FMR1: variants seen among roughly 807,000 people sequenced by gnomAD.
The protein encoded by FMR1 is fragile X messenger ribonucleoprotein 1.
A neutral mutation model predicts 50.6 loss-of-function variants in FMR1; 13 were observed. The observed-to-expected ratio is 0.26, with a 90% CI of 0.17 to 0.41. The LOEUF (loss-of-function observed/expected upper bound fraction) is 0.41. Among genes scored for constraint, FMR1 ranks in the 10% least tolerant of loss-of-function variants. FMR1 has a pLI of 1.00. For missense variants in FMR1, 316 were observed against 491.3 expected (o/e 0.64, Z 3.37); for synonymous variants, 138 against 164.1 (o/e 0.84, Z 1.22).
At chrX:147,945,736 AT>A in intron 16 of FMR1, 120 bp downstream of exon 16, 2 of 553,415 alleles carry the variant, frequency 3.6e-6, no homozygotes, top group Non-Finnish European at 6.2e-6. Context: ...TATGTGAAAT[AT>A]TTTACCTTCA....
At chrX:147,938,311 C>CG (rs1252719969) in intron 12 of FMR1, 150 bp downstream of exon 12, 1 of 505,086 alleles carries the variant, frequency 2.0e-6, no homozygotes, top group African/African-American at 2.3e-5. Flanking sequence ...GGAGTTAAAG[C>CG]TTAAACACCT....
intron 1 of FMR1, chrX:147,914,495 C>A (rs1269431118): frequency 8.9e-6 from 1 of 111,914 alleles, no homozygotes; most frequent in African/African-American, 3.2e-5. Flanking sequence ...GAAATAGGAA[C>A]CTTGTTCATC....
In FMR1 at chrX:147,950,505, A is replaced by AAC. The variant is rs1414479045; in HGVS notation, c.*1662_*1663dup. On this transcript the variant is annotated 3_prime_UTR_variant, in exon 17 of 17. Transcript: ENST00000370475. ...CCAAGGTAGAATGACCTTGTAATGT[A>AAC]ACTGCTCTTGGGCAATATTCTCTGT... 6.1e-6 allele frequency: 2 copies of AAC among 328,200 alleles called. No individual in the cohort carries two copies. Among genetic ancestry groups the AAC allele is most frequent in the Non-Finnish European group, 1.2e-5 (2 of 169,700 alleles). The allele number at this position is 328,200 out of a possible 1,213,427, so 27.0% of individuals were successfully genotyped here. A position where few individuals can be genotyped will look rare whatever the true frequency, so the allele number is the denominator to read the frequency against.
chrX:147,933,350 G>C (rs1164905963), intron 9 of FMR1: 8 of 580,941 alleles, frequency 1.4e-5, no homozygotes, highest in Non-Finnish European at 2.0e-5. Flanking sequence ...ATTTGTATTT[G>C]ATCTTTCTTA....
chrX:147,943,458 G>A (rs1042189401), intron 14 of FMR1, 132 bp downstream of exon 14: 3 of 580,768 alleles, frequency 5.2e-6, no homozygotes, highest in Non-Finnish European at 8.6e-6. Flanking sequence ...GGGTTAAATT[G>A]TGTTACAGGA....
intron 2 of FMR1, chrX:147,924,840 TA>T (rs1460842168): frequency 9.1e-6 from 1 of 110,287 alleles, no homozygotes; most frequent in Non-Finnish European, 1.9e-5. Context: ...TTTATGGATA[TA>T]AAAAATAATT....
At chrX:147,929,857 T>C in intron 5 of FMR1, 91 bp from the exon 6 acceptor site, 1 of 593,419 alleles carries the variant, frequency 1.7e-6, no homozygotes, top group Middle Eastern at 5.2e-4. Flanking sequence ...TTAATATGAA[T>C]CCATGATTCT....
At chrX:147,930,321 G>T in intron 7 of FMR1, 77 bp downstream of exon 7, 1 of 632,123 alleles carries the variant, frequency 1.6e-6, no homozygotes, top group South Asian at 2.2e-5. Flanking sequence ...CTTGAATATG[G>T]GGAGCTTGTC....
chrX:147,937,375 A>G lies in FMR1; in HGVS notation c.991-91A>G, dbSNP rs917022391. 1.9e-4 allele frequency: 109 copies of G among 587,018 alleles called. 1 individual carries two copies. The East Asian group carries it at 3.5e-3, about 19-fold the overall frequency. 48.4% of individuals were successfully genotyped at this position (587,018 alleles called of 1,213,427 possible). ...CTGTTTATAATAACTTACATTTTTT[A>G]AAAATATGATGATTGATAACACTAA... On this transcript the variant is annotated intron_variant, in intron 10 of 16. Coordinates refer to ENST00000370475, the MANE Select transcript of FMR1 (RefSeq NM_002024.6).
At chrX:147,923,234 T>G (rs2043248520) in intron 2 of FMR1, among the ~76,000 whole-genome samples, 3 of 112,017 alleles carry the variant, frequency 2.7e-5, no homozygotes, top group Admixed American at 1.9e-4. Context: ...TTTCTGGCTC[T>G]GGACTAATAA....
intron 3 of FMR1, chrX:147,927,985 A>G: frequency 1.1e-5 from 2 of 178,922 alleles, no homozygotes; most frequent in Non-Finnish European, 2.1e-5. Flanking sequence ...ATACATTTTT[A>G]GATACATTTT....
At chrX:147,925,417 C>G (rs1246891273) in intron 2 of FMR1, 123 bp from the exon 3 acceptor site, 5 of 568,104 alleles carry the variant, frequency 8.8e-6, no homozygotes, top group Non-Finnish European at 1.6e-5. Flanking sequence ...GATTTTAAAG[C>G]TTTTGCTTCT....
In FMR1 at chrX:147,948,910, T is replaced by C. The variant is rs1052848847; in HGVS notation, c.*66T>C. Reference sequence around the variant, plus strand: ...TAATTCTTATTCCATATTAGAAAACTTTGTTAGGCCAAAGACAAATAGTAG... The same window carrying C: ...TAATTCTTATTCCATATTAGAAAACCTTGTTAGGCCAAAGACAAATAGTAG... On this transcript the variant is annotated 3_prime_UTR_variant, in exon 17 of 17. Transcript: ENST00000370475. The C allele has an allele frequency of 2.8e-6, 3 of 1,073,240 alleles. No homozygotes were observed. The highest frequency in any genetic ancestry group is 3.9e-6 in the Non-Finnish European group (3 of 770,952). 88.4% of individuals were successfully genotyped at this position (1,073,240 alleles called of 1,213,427 possible).
chrX:147,921,130 C>T (rs1490188854), intron 1 of FMR1, among the ~76,000 whole-genome samples: 1 of 111,685 alleles, frequency 9.0e-6, no homozygotes, highest in Non-Finnish European at 1.9e-5. Flanking sequence ...GATATAAAGC[C>T]TTTGGGTTTC....
At chrX:147,924,637 G>A (rs1275777041) in intron 2 of FMR1, among the ~76,000 whole-genome samples, 7 of 103,018 alleles carry the variant, frequency 6.8e-5, no homozygotes, top group Non-Finnish European at 1.4e-4. Context: ...TCAGCCTCCC[G>A]AGTAGCTGGG....
intron 10 of FMR1, 145 bp downstream of exon 10, chrX:147,936,758 T>G: frequency 2.1e-6 from 1 of 479,230 alleles, no homozygotes; most frequent in South Asian, 3.1e-5. Flanking sequence ...ATGTTATAAT[T>G]GTAGATAATG....
chrX:147,920,557 T>C (rs904700299), intron 1 of FMR1, among the ~76,000 whole-genome samples: 7 of 111,604 alleles, frequency 6.3e-5, no homozygotes, highest in Non-Finnish European at 1.1e-4. Context: ...AGGAACCTCT[T>C]AGGCAATGAT....
At position 147,940,613 on chromosome X, in the gene FMR1, G is replaced by A. The variant is rs1557180625; in HGVS notation, c.1226G>A (p.Ser409Asn). ...TTTGTTTTTGTGGGAACAAAGGACA[G>A]CATCGCTAATGCCACTGTTCTTTTG... ...VPFVFVGTKD[S>N]IANATVLLDY... is the part of the protein sequence containing the mutation. The change falls in exon 13 of 17, where the codon AGC becomes AAC. Residue 409 changes from serine to asparagine, a missense_variant. Ser to Asn is a conservative substitution (Grantham distance 46, BLOSUM62 1). Transcript: ENST00000370475. 1 of 1,205,060 alleles carries A rather than the reference G, an allele frequency of 8.3e-7. No individual in the cohort carries two copies. Among genetic ancestry groups the A allele is most frequent in the East Asian group, 3.0e-5 (1 of 33,748 alleles).
chrX:147,946,073 C>T (rs1299770802), intron 16 of FMR1, among the ~76,000 whole-genome samples: 2 of 111,198 alleles, frequency 1.8e-5, no homozygotes, highest in Non-Finnish European at 3.8e-5. Context: ...GACGGGGTTT[C>T]ACCATGTTGG....
Sources: gnomAD v4.1 joint callset for allele counts (sites outside exome capture counted in the v4.1 genomes callset) on GRCh38, gnomAD v4.1.1 for gene constraint, MANE v1.5 for transcripts, NCBI Gene and HGNC (gene_info 2026-07-23, HGNC 2026-07-21) for gene names.